The following MIPEP variants were observed in gnomAD, a reference collection of about 807,000 sequenced individuals.
MIPEP encodes the protein mitochondrial intermediate peptidase.
A neutral mutation model predicts 90.3 loss-of-function variants in MIPEP; 79 were observed. The ratio of observed to expected loss-of-function variants is 0.87; its 90% CI spans 0.73 to 1.05. The LOEUF is 1.05. Ranked by LOEUF, MIPEP falls within the 50% of genes least tolerant of loss-of-function variation. The pLI, the probability that MIPEP is intolerant of heterozygous loss-of-function variation, is 0.00. For synonymous variants in MIPEP, 334 were observed against 315.8 expected (o/e 1.06, Z -0.61); for missense variants, 940 against 905.6 (o/e 1.04, Z -0.49).
At position 23,862,315 on chromosome 13, in the gene MIPEP, T is replaced by C. The variant is rs1348198617; in HGVS notation, c.1040A>G (p.Asn347Ser). 6.4e-7 allele frequency: 1 copy of C among 1,567,190 alleles called. No homozygotes were observed. Residue 347 changes from asparagine to serine, a missense_variant, in exon 9 of 19, where the codon AAT becomes AGT. Physicochemically the swap from Asn to Ser is conservative, Grantham distance 46. Transcript: ENST00000382172. ...EMIRGMKMKL[N>S]PQNSEVMPWD... is the part of the protein sequence containing the mutation. Reference sequence around the variant, plus strand: ...CAACATACTTACGGAATTTTGAGGATTCAGTTTCATTTTCATCCCTCGTAT... The same window carrying C: ...CAACATACTTACGGAATTTTGAGGACTCAGTTTCATTTTCATCCCTCGTAT...
At chr13:23,787,683 G>T (rs771008672) in intron 16 of MIPEP, among the ~76,000 whole-genome samples, 1 of 152,160 alleles carries the variant, frequency 6.6e-6, no homozygotes, top group South Asian at 2.1e-4. Context: ...TGATTGCTCA[G>T]CATTGCGAAA....
chr13:23,759,776 A>C (rs1952520752), intron 17 of MIPEP, among the ~76,000 whole-genome samples: 1 of 152,186 alleles, frequency 6.6e-6, no homozygotes, highest in South Asian at 2.1e-4. Flanking sequence ...AAAAGCCAAG[A>C]AAACCCACAG....
At position 23,856,794 on chromosome 13, in the gene MIPEP, T is replaced by C. The variant is rs535909852; in HGVS notation, c.1106+2066A>G. Among the ~76,000 whole-genome samples the C allele has an allele frequency of 1.5e-4, 23 of 152,258 alleles. 1 individual carries two copies. In the South Asian group the frequency reaches 4.8e-3, roughly 32 times the overall value. On this transcript the variant is annotated intron_variant, in intron 10 of 18. Coordinates refer to ENST00000382172, the MANE Select transcript of MIPEP (RefSeq NM_005932.4). ...CTACCTCGGAACCACCATTTGGGCA[T>C]GCTATATTTACAGAGTATAGTTAGT...
At position 23,823,262 on chromosome 13, in the gene MIPEP, A is replaced by C. The variant is rs1393006902; in HGVS notation, c.1653+12978T>G. Among the ~76,000 whole-genome samples the C allele has an allele frequency of 1.3e-5, 2 of 152,214 alleles. 1 individual carries two copies. On this transcript the variant is annotated intron_variant, in intron 14 of 18. Coordinates refer to ENST00000382172, the MANE Select transcript of MIPEP (RefSeq NM_005932.4). ...CTACTCTTTTGCCTCTTAGCCTAAC[A>C]AAATCTCAGAGTATCCTATTTTCTC...
At chr13:23,824,654 A>G (rs918187644) in intron 14 of MIPEP, among the ~76,000 whole-genome samples, 6 of 152,224 alleles carry the variant, frequency 3.9e-5, no homozygotes, top group Admixed American at 6.5e-5. Flanking sequence ...AAACAACTGG[A>G]TTGCATGTCT....
chr13:23,759,817 G>T (rs531136270), intron 17 of MIPEP, among the ~76,000 whole-genome samples: 1 of 152,244 alleles, frequency 6.6e-6, no homozygotes, highest in East Asian at 1.9e-4. Flanking sequence ...GGTAGCACAG[G>T]AGCCCTCATA....
chr13:23,859,303 TTC>T (rs1217638929), intron 9 of MIPEP, among the ~76,000 whole-genome samples: 5 of 152,294 alleles, frequency 3.3e-5, no homozygotes, highest in Admixed American at 2.6e-4. Flanking sequence ...AGGATTAAGG[TTC>T]TTTCTAAATC....
chr13:23,734,380 C>T (rs963988155), intron 18 of MIPEP, among the ~76,000 whole-genome samples: 3 of 152,182 alleles, frequency 2.0e-5, no homozygotes, highest in Non-Finnish European at 2.9e-5. Flanking sequence ...CTCCACCACT[C>T]ATCGGAGCCA....
chr13:23,879,571 C>A (rs555477013), intron 3 of MIPEP, among the ~76,000 whole-genome samples: 7 of 152,034 alleles, frequency 4.6e-5, no homozygotes, highest in African/African-American at 1.4e-4. Context: ...TGTCACCCAG[C>A]ACCCAGGCTG....
intron 16 of MIPEP, among the ~76,000 whole-genome samples, chr13:23,772,843 C>T (rs1052367540): frequency 6.6e-6 from 1 of 152,108 alleles, no homozygotes; most frequent in African/African-American, 2.4e-5. Context: ...CCCATCACAG[C>T]CCTTCCCTGC....
At chr13:23,775,276 C>A (rs1735394705) in intron 16 of MIPEP, among the ~76,000 whole-genome samples, 1 of 152,056 alleles carries the variant, frequency 6.6e-6, no homozygotes, top group African/African-American at 2.4e-5. Flanking sequence ...ATGGTGAAAA[C>A]CACCAGTACA....
chr13:23,775,109 C>CTCTGTGTGTG (rs1375320068), intron 16 of MIPEP, among the ~76,000 whole-genome samples: 6 of 149,094 alleles, frequency 4.0e-5, no homozygotes, highest in East Asian at 2.0e-4. Flanking sequence ...TATCAGTTCT[C>CTCTGTGTGTG]TGTGTGTGTG....
chr13:23,862,180 G>A (rs921395186), intron 9 of MIPEP, 122 bp downstream of exon 9: 46 of 661,488 alleles, frequency 7.0e-5, no homozygotes, highest in Non-Finnish European at 8.1e-5. Context: ...CACCAAAACC[G>A]AGGATCAGAA....
chr13:23,737,245 G>A (rs1338273502), intron 18 of MIPEP, among the ~76,000 whole-genome samples: 1 of 152,230 alleles, frequency 6.6e-6, no homozygotes, highest in Non-Finnish European at 1.5e-5. Flanking sequence ...ACTGCCAACG[G>A]TGGCTTGGCC....
Position 23,836,273 on chromosome 13 carries a change from A to G in MIPEP, c.1620T>C (p.Val540=), listed in dbSNP as rs778915758. 6 of 1,606,354 alleles carry G rather than the reference A, an allele frequency of 3.7e-6. No homozygotes were observed. In the South Asian group the frequency reaches 6.7e-5, roughly 18 times the overall value. Residue 540 remains valine (V), a synonymous_variant, in exon 14 of 19, where the codon GTT becomes GTC. Transcript: ENST00000382172. Reference sequence around the variant, plus strand: ...TCTGATAATGTCTGGCAAATTGGTTAACTACTCGATAATCATTTGCAAAGT... The same window carrying G: ...TCTGATAATGTCTGGCAAATTGGTTGACTACTCGATAATCATTTGCAAAGT... ...MEYFANDYRV[V]NQFARHYQTG...
rs183010855 is a variant in MIPEP, at chr13:23,888,812, G to A, written c.189+320C>T. ...GGCTTTAGCAGGGGTGCGCCTGAGT[G>A]TATGCAGAGGGCGGGTCCTGGCAGG... is the stretch of plus-strand genomic sequence containing the variant. On this transcript the variant is annotated intron_variant, in intron 1 of 18. Coordinates refer to ENST00000382172, the MANE Select transcript of MIPEP (RefSeq NM_005932.4). 2.2e-4 allele frequency: 214 copies of A among 978,454 alleles called. No individual in the cohort carries two copies. The East Asian group carries it at 3.1e-3, about 14-fold the overall frequency. 60.6% of individuals were successfully genotyped at this position (978,454 alleles called of 1,614,324 possible).
chr13:23,774,661 G>A (rs1952691996), intron 16 of MIPEP, among the ~76,000 whole-genome samples: 1 of 151,864 alleles, frequency 6.6e-6, no homozygotes, highest in Admixed American at 6.6e-5. Context: ...TCTTCCAGAT[G>A]CTATTGTAAA....
chr13:23,858,187 C>T (rs1452510556), intron 10 of MIPEP, among the ~76,000 whole-genome samples: 1 of 151,870 alleles, frequency 6.6e-6, no homozygotes, highest in Non-Finnish European at 1.5e-5. Flanking sequence ...AGTGTGTTCA[C>T]TGTGAAAAGA....
intron 16 of MIPEP, among the ~76,000 whole-genome samples, chr13:23,791,140 A>C (rs1952894406): frequency 6.6e-6 from 1 of 152,102 alleles, no homozygotes; most frequent in Non-Finnish European, 1.5e-5. Context: ...TAAATCCCAC[A>C]GTCAGTTGTC....
Sources: gnomAD v4.1 joint callset for allele counts (sites outside exome capture counted in the v4.1 genomes callset) on GRCh38, gnomAD v4.1.1 for gene constraint, MANE v1.5 for transcripts, NCBI Gene and HGNC (gene_info 2026-07-23, HGNC 2026-07-21) for gene names.